Variants in ATG2B observed in about 807,000 individuals in gnomAD.
ATG2B encodes the protein autophagy related 2B, also known as autophagy-related protein 2 homolog B.
Under a neutral mutation model 241.3 loss-of-function variants are expected in ATG2B, and 121 were observed. The ratio of observed to expected loss-of-function variants is 0.50; its 90% CI spans 0.43 to 0.58. The LOEUF is 0.58. Among genes scored for constraint, ATG2B ranks in the 20% least tolerant of loss-of-function variants. ATG2B has a pLI of 0.00. For missense variants in ATG2B, 2,306 were observed against 2,491.6 expected, an observed-to-expected ratio of 0.93 and a Z score of 1.59; for synonymous variants, 858 against 876.6, an observed-to-expected ratio of 0.98 and a Z score of 0.37.
intron 6 of ATG2B, among the ~76,000 whole-genome samples, chr14:96,338,016 GTATTT>G (rs926152815): frequency 6.6e-6 from 1 of 151,920 alleles, no homozygotes; most frequent in Non-Finnish European, 1.5e-5. Flanking sequence ...CCTAGGTATT[GTATTT>G]TATTTTATTT....
chr14:96,360,669 A>G, intron 1 of ATG2B, among the ~76,000 whole-genome samples: 1 of 152,226 alleles, frequency 6.6e-6, no homozygotes, highest in East Asian at 1.9e-4. Context: ...AGTTCAACAA[A>G]ATTCTTTGCA....
chr14:96,322,051 A>T, intron 18 of ATG2B, 61 bp downstream of exon 18: 1 of 1,273,372 alleles, frequency 7.9e-7, no homozygotes, highest in Non-Finnish European at 1.1e-6. Flanking sequence ...GGAAGAGGAA[A>T]ATCAGGGAGG....
intron 18 of ATG2B, among the ~76,000 whole-genome samples, chr14:96,319,085 G>A (rs894467815): frequency 2.0e-5 from 3 of 152,182 alleles, no homozygotes; most frequent in African/African-American, 4.8e-5. Flanking sequence ...TCAAGGCGCC[G>A]CGTGGTGAGG....
intron 5 of ATG2B, 81 bp from the exon 6 acceptor site, chr14:96,341,782 A>T (rs1413625756): frequency 8.2e-6 from 9 of 1,096,500 alleles, no homozygotes; most frequent in Non-Finnish European, 1.1e-5. Flanking sequence ...TGTCAACTTA[A>T]GAAGAATAAA....
At chr14:96,314,670 CTGTTTTGTTTTGTTT>C (rs67718533) in intron 23 of ATG2B, among the ~76,000 whole-genome samples, 135,165 of 151,430 alleles carry the variant, frequency 0.89, 60,556 homozygotes, top group Middle Eastern at 0.95. Context: ...GGTGATAATA[CTGTTTTGTTTTGTTT>C]TGTTTTGTTT....
intron 32 of ATG2B, among the ~76,000 whole-genome samples, chr14:96,303,572 G>A (rs1886853682): frequency 6.6e-6 from 1 of 152,084 alleles, no homozygotes; most frequent in African/African-American, 2.4e-5. Context: ...TTAGTATAGT[G>A]TTATAATTAT....
rs1887339816 is a variant in ATG2B, at chr14:96,317,228, A to T, written c.3127T>A (p.Ser1043Thr). 6.2e-7 allele frequency: 1 copy of T among 1,613,616 alleles called. No individual in the cohort carries two copies. The highest frequency in any genetic ancestry group is 1.7e-5 in the Admixed American group (1 of 59,996). ...YRSRRKKKLD[S>T]QNKNSQSFLS... is the part of the protein sequence containing the mutation. Reference sequence around the variant, plus strand: ...AAACTCTGAGAGTTCTTGTTCTGAGAGTCTAATTTTTTTTTCCTGCGAGAA... The same window carrying T: ...AAACTCTGAGAGTTCTTGTTCTGAGTGTCTAATTTTTTTTTCCTGCGAGAA... The change falls in exon 20 of 42, where the codon TCT becomes ACT. Residue 1043 changes from serine to threonine, a missense_variant. Ser to Thr is a moderately conservative substitution (Grantham distance 58, BLOSUM62 1). Transcript: ENST00000359933.
Position 96,332,333 on chromosome 14 carries a change from T to C in ATG2B, c.1440A>G (p.Leu480=), listed in dbSNP as rs1887758209. ...PVRGSTFPSN[L]VHPTPLQKTS... ...TCTTCTGTAAAGGTGTTGGGTGAAC[T>C]AGGTTGGATGGAAATGTTGACCCTC... The change falls in exon 10 of 42, where the codon CTA becomes CTG. Residue 480 remains leucine (L), a synonymous_variant. Transcript: ENST00000359933. 6.2e-7 allele frequency: 1 copy of C among 1,613,684 alleles called. No individual in the cohort carries two copies. The highest frequency in any genetic ancestry group is 8.5e-7 in the Non-Finnish European group (1 of 1,179,636).
At chr14:96,317,918 A>G in intron 18 of ATG2B, 63 bp from the exon 19 acceptor site, 1 of 1,234,426 alleles carries the variant, frequency 8.1e-7, no homozygotes, top group Non-Finnish European at 1.1e-6. Flanking sequence ...GCAAACTTAA[A>G]AAAAAATCCT....
intron 1 of ATG2B, among the ~76,000 whole-genome samples, chr14:96,347,574 A>T (rs1336688047): frequency 6.6e-6 from 1 of 152,204 alleles, no homozygotes; most frequent in Non-Finnish European, 1.5e-5. Context: ...ATATTTGCAA[A>T]CTATCTATCT....
At chr14:96,343,076 A>C (rs1595330173) in intron 5 of ATG2B, 43 bp downstream of exon 5, 13 of 1,442,400 alleles carry the variant, frequency 9.0e-6, no homozygotes, top group Non-Finnish European at 1.0e-5. Context: ...AAACCTTTTA[A>C]AAAATCTATG....
At position 96,285,776 on chromosome 14, in the gene ATG2B, T is replaced by C. The variant is rs1453119439; in HGVS notation, c.6216A>G (p.Lys2072=). The change falls in exon 42 of 42, where the codon AAA becomes AAG. Residue 2072 remains lysine, a synonymous_variant. Transcript: ENST00000359933. This position sits in a 1 kb window ranked among gnomAD's most constrained non-coding sequence, Gnocchi z 4.2. The part of the protein sequence containing the change: ...RPDVRQDESQ[K]WRHGDD ...GCCATCAGTCATCCCCGTGGCGCCA[T>C]TTCTGTGACTCGTCTTGCCGGACAT... The C allele has an allele frequency of 2.5e-6, 4 of 1,613,968 alleles. No individual in the cohort carries two copies. The South Asian group carries it at 4.4e-5, about 18-fold the overall frequency.
chr14:96,304,559 C>G lies in ATG2B; in HGVS notation c.4778G>C (p.Arg1593Pro). The G allele has an allele frequency of 6.2e-7, 1 of 1,611,206 alleles. No homozygotes were observed. The highest frequency in any genetic ancestry group is 8.5e-7 in the Non-Finnish European group (1 of 1,178,984). ...TCCTTTTCCCCCACATACTGTATTACGTCCATGTCTCGTGGGTGTGTGAGA... is the reference window on the plus strand; with the variant it reads ...TCCTTTTCCCCCACATACTGTATTAGGTCCATGTCTCGTGGGTGTGTGAGA... ...SPSHTPTRHG[R>P]NTVCGGKGRN... Residue 1593 changes from arginine to proline, a missense_variant, in exon 32 of 42, where the codon CGT becomes CCT. Coordinates refer to ENST00000359933, the MANE Select transcript of ATG2B (RefSeq NM_018036.7).
rs778848606 is a variant in ATG2B, at chr14:96,305,798, T to C, written c.4524A>G (p.Pro1508=). 6.2e-7 allele frequency: 1 copy of C among 1,614,104 alleles called. No homozygotes were observed. Among genetic ancestry groups the C allele is most frequent in the Non-Finnish European group, 8.5e-7 (1 of 1,179,932 alleles). ...KAAMQEKEEE[P]VIKIMVDDAI... is the part of the protein sequence containing the mutation. ...CATCATCAACCATGATTTTTATAACTGGTTCTTCTTCCTTCTCCTAAAATA... is the reference window on the plus strand; with the variant it reads ...CATCATCAACCATGATTTTTATAACCGGTTCTTCTTCCTTCTCCTAAAATA... The change falls in exon 31 of 42, where the codon CCA becomes CCG. Residue 1508 remains proline, a synonymous_variant. Transcript: ENST00000359933.
chr14:96,307,800 C>T lies in ATG2B; in HGVS notation c.4304-884G>A, dbSNP rs117469631. On this transcript the variant is annotated intron_variant, in intron 29 of 41. Coordinates refer to ENST00000359933, the MANE Select transcript of ATG2B (RefSeq NM_018036.7). ...GGGCCTGGGATACCCAAACTGGATA[C>T]CTAATCTTAGGTAGCTATCGCAAAA... Among the ~76,000 whole-genome samples the T allele has an allele frequency of 4.3e-3, 649 of 152,156 alleles. 26 individuals are homozygous for T. The South Asian group carries it at 0.067, about 16-fold the overall frequency.
In ATG2B at chr14:96,290,976, A is replaced by G; in HGVS notation, c.5580-41T>C. On this transcript the variant is annotated intron_variant, in intron 38 of 41. Transcript: ENST00000359933. The surrounding 1 kb of genome is among the most constrained non-coding windows in gnomAD (Gnocchi z 4.4). ...ATTAGTATGTCAAAAGGAGAAATAC[A>G]TTTATAGACACAGATTAGTTTGAGG... 6.4e-7 allele frequency: 1 copy of G among 1,555,754 alleles called. No homozygotes were observed.
chr14:96,337,911 G>C (rs1418479400), intron 6 of ATG2B, among the ~76,000 whole-genome samples: 1 of 152,088 alleles, frequency 6.6e-6, no homozygotes, highest in Non-Finnish European at 1.5e-5. Context: ...CATGAGTATG[G>C]GATGTGTTTC....
At chr14:96,337,140 T>C (rs1267389696) in intron 6 of ATG2B, among the ~76,000 whole-genome samples, 1 of 152,216 alleles carries the variant, frequency 6.6e-6, no homozygotes, top group East Asian at 1.9e-4. Flanking sequence ...AAAGATTGTA[T>C]CTGATTCATC....
At chr14:96,339,391 A>G (rs972640199) in intron 6 of ATG2B, among the ~76,000 whole-genome samples, 2 of 151,732 alleles carry the variant, frequency 1.3e-5, no homozygotes, top group Admixed American at 1.3e-4. Flanking sequence ...ATATACACAC[A>G]TGTGTATATA....
Sources: gnomAD v4.1 joint callset for allele counts (sites outside exome capture counted in the v4.1 genomes callset) on GRCh38, gnomAD v4.1.1 for gene constraint, Gnocchi (gnomAD v3.1) non-coding constraint, MANE v1.5 for transcripts, NCBI Gene and HGNC (gene_info 2026-07-23, HGNC 2026-07-21) for gene names.